ZC3H12B: variants seen among roughly 807,000 people sequenced by gnomAD.
The protein encoded by ZC3H12B is zinc finger CCCH-type containing 12B, also known as probable ribonuclease ZC3H12B.
A neutral mutation model predicts 43.9 loss-of-function variants in ZC3H12B; 7 were observed. That is an observed-to-expected ratio of 0.16 (90% CI 0.09 to 0.30). The LOEUF (loss-of-function observed/expected upper bound fraction) is 0.30, where lower values mean the gene tolerates loss of function less well. ZC3H12B is among the 10% of genes least tolerant of loss of function. The pLI is 1.00. For missense variants in ZC3H12B, 475 were observed against 670.2 expected (o/e 0.71, Z 3.22); for synonymous variants, 222 against 241.7 (o/e 0.92, Z 0.76).
At chrX:65,044,121 AG>A in the ZC3H12B span, among the ~76,000 whole-genome samples, 1 of 112,078 alleles carries the variant, frequency 8.9e-6, no homozygotes, top group Non-Finnish European at 1.9e-5. Flanking sequence ...TGATAAAACA[AG>A]ATAAGGGAAT....
At chrX:65,222,836 C>G in the ZC3H12B span, among the ~76,000 whole-genome samples, 1 of 109,836 alleles carries the variant, frequency 9.1e-6, no homozygotes, top group Non-Finnish European at 1.9e-5. Context: ...CAGTGCAATT[C>G]ACATCAAAAT....
chrX:65,092,236 C>A, the ZC3H12B span, among the ~76,000 whole-genome samples: 36 of 111,819 alleles, frequency 3.2e-4, no homozygotes, highest in Admixed American at 6.7e-4. Context: ...AATTAAATAT[C>A]TTTTCTTTAT....
At chrX:65,397,356 A>G (rs747685077) in intron 2 of ZC3H12B, among the ~76,000 whole-genome samples, 1 of 111,707 alleles carries the variant, frequency 9.0e-6, no homozygotes, top group Non-Finnish European at 1.9e-5. Flanking sequence ...TTCCCATATT[A>G]GGGCTTCCTT....
the ZC3H12B span, among the ~76,000 whole-genome samples, chrX:65,163,232 TGAG>T: frequency 1.8e-5 from 2 of 111,406 alleles, no homozygotes; most frequent in African/African-American, 3.3e-5. Flanking sequence ...GGGACCCACT[TGAG>T]GAGGCAGTCT....
chrX:65,161,677 C>A, the ZC3H12B span, among the ~76,000 whole-genome samples: 1 of 111,775 alleles, frequency 8.9e-6, no homozygotes, highest in Non-Finnish European at 1.9e-5. Context: ...AGATGCGTTT[C>A]CTGAATACAG....
At chrX:65,090,474 T>G in the ZC3H12B span, among the ~76,000 whole-genome samples, 144 of 112,457 alleles carry the variant, frequency 1.3e-3, no homozygotes, top group African/African-American at 4.5e-3. Context: ...AATCTTGTTT[T>G]TAAATAATCT....
the ZC3H12B span, among the ~76,000 whole-genome samples, chrX:65,333,851 G>A: frequency 1.5e-4 from 17 of 111,815 alleles, no homozygotes; most frequent in African/African-American, 5.5e-4. Context: ...GGTTCCTTCT[G>A]TAGCATACAA....
intron 3 of ZC3H12B, among the ~76,000 whole-genome samples, chrX:65,431,736 C>A (rs1459278029): frequency 1.8e-5 from 2 of 112,232 alleles, no homozygotes; most frequent in Non-Finnish European, 3.8e-5. Flanking sequence ...ATTTCTCAAT[C>A]ATATGTCTTT....
the ZC3H12B span, among the ~76,000 whole-genome samples, chrX:65,048,544 G>T: frequency 9.0e-6 from 1 of 111,395 alleles, no homozygotes. Context: ...GTGCACAAGA[G>T]TTCCAATTTT....
the ZC3H12B span, among the ~76,000 whole-genome samples, chrX:65,159,825 A>T: frequency 8.9e-6 from 1 of 111,890 alleles, no homozygotes; most frequent in Non-Finnish European, 1.9e-5. Flanking sequence ...GAGAGAGGGC[A>T]TCCCTGTCTT....
intron 2 of ZC3H12B, among the ~76,000 whole-genome samples, chrX:65,397,875 A>C (rs1264203710): frequency 1.8e-5 from 2 of 112,070 alleles, no homozygotes; most frequent in African/African-American, 6.5e-5. Context: ...TTTATACTTC[A>C]CAAAACCCAG....
At chrX:65,051,159 G>T in the ZC3H12B span, among the ~76,000 whole-genome samples, 1 of 111,437 alleles carries the variant, frequency 9.0e-6, no homozygotes, top group Non-Finnish European at 1.9e-5. Context: ...TGGTTATATT[G>T]ATTTCTTTTA....
chrX:65,491,705 T>TA (rs748640341), intron 1 of ZC3H12B, among the ~76,000 whole-genome samples: 86 of 94,218 alleles, frequency 9.1e-4, no homozygotes, highest in East Asian at 4.3e-3. Flanking sequence ...AGGCCCTATT[T>TA]AAAAAAAAAA....
At chrX:65,404,938 T>C (rs772553749) in intron 3 of ZC3H12B, among the ~76,000 whole-genome samples, 1 of 112,455 alleles carries the variant, frequency 8.9e-6, no homozygotes, top group East Asian at 2.8e-4. Flanking sequence ...TTCTTTAAAA[T>C]AGACCATATG....
At chrX:65,448,509 C>A (rs914300255) in intron 3 of ZC3H12B, among the ~76,000 whole-genome samples, 5 of 111,279 alleles carry the variant, frequency 4.5e-5, no homozygotes, top group Non-Finnish European at 9.4e-5. Context: ...TGCCCATCAA[C>A]AAATGTGTGG....
chrX:65,332,096 C>A, the ZC3H12B span, among the ~76,000 whole-genome samples: 1 of 110,812 alleles, frequency 9.0e-6, no homozygotes, highest in African/African-American at 3.3e-5. Flanking sequence ...CCTTATTTTA[C>A]CCAGCCCCTA....
chrX:65,450,774 CAT>C (rs1399946790), intron 3 of ZC3H12B, among the ~76,000 whole-genome samples: 1 of 48,140 alleles, frequency 2.1e-5, no homozygotes, highest in Non-Finnish European at 3.3e-5. Flanking sequence ...TATATGTATA[CAT>C]ATGTGTATAT....
the ZC3H12B span, among the ~76,000 whole-genome samples, chrX:65,309,396 A>C: frequency 3.6e-5 from 4 of 112,194 alleles, no homozygotes; most frequent in Non-Finnish European, 7.5e-5. Context: ...GAAAATCTAG[A>C]AGAAATGGAT....
chrX:65,155,898 T>A, the ZC3H12B span, among the ~76,000 whole-genome samples: 1 of 110,396 alleles, frequency 9.1e-6, no homozygotes, highest in South Asian at 3.9e-4. Context: ...TTTTCCTGTA[T>A]TCTAGAAGAG....
Sources: allele counts gnomAD v4.1 joint callset (sites outside exome capture counted in the v4.1 genomes callset), GRCh38; gene constraint gnomAD v4.1.1; transcripts MANE v1.5; gene names NCBI Gene and HGNC (gene_info 2026-07-23, HGNC 2026-07-21).